SEC63: variants seen among roughly 807,000 people sequenced by gnomAD.
The protein encoded by SEC63 is translocation protein SEC63 homolog.
Under a neutral mutation model 116.2 loss-of-function variants are expected in SEC63, and 56 were observed. The ratio of observed to expected loss-of-function variants is 0.48; its 90% CI spans 0.39 to 0.60. The LOEUF (loss-of-function observed/expected upper bound fraction) is 0.60, where lower values mean the gene tolerates loss of function less well. Among genes scored for constraint, SEC63 ranks in the 20% least tolerant of loss-of-function variants. The pLI is 0.00. For missense variants in SEC63, 668 were observed against 900.0 expected (o/e 0.74, Z 3.30); for synonymous variants, 273 against 294.6 (o/e 0.93, Z 0.75).
At chr6:107,928,078 A>G (rs1787716770) in intron 2 of SEC63, among the ~76,000 whole-genome samples, 1 of 152,182 alleles carries the variant, frequency 6.6e-6, no homozygotes, top group Non-Finnish European at 1.5e-5. Flanking sequence ...ACAGTAAAGA[A>G]TAAACAGTGA....
At position 107,911,732 on chromosome 6, in the gene SEC63, C is replaced by T. The variant is rs146006718; in HGVS notation, c.574-336G>A. ...CCTTTTAATTTTTTATTTACTGACA[C>T]AATACAGATTAACACCAGCAAAACA... is the stretch of plus-strand genomic sequence containing the variant. On this transcript the variant is annotated intron_variant, in intron 6 of 20. Transcript: ENST00000369002. Among the ~76,000 whole-genome samples, 9 of 152,274 alleles carry T rather than the reference C, an allele frequency of 5.9e-5. 1 individual carries two copies. Among genetic ancestry groups the T allele is most frequent in the Admixed American group, 3.3e-4 (5 of 15,308 alleles).
chr6:107,909,147 T>G (rs1207596493), intron 7 of SEC63, 112 bp from the exon 8 acceptor site: 1 of 704,470 alleles, frequency 1.4e-6, no homozygotes, highest in East Asian at 2.9e-5. Context: ...GTGAGAGGAC[T>G]GCTTGAGCCC....
intron 3 of SEC63, 62 bp from the exon 4 acceptor site, chr6:107,921,971 A>C (rs1787568791): frequency 2.1e-6 from 2 of 953,612 alleles, no homozygotes; most frequent in South Asian, 2.7e-5. Flanking sequence ...CAATTCTGTA[A>C]AGAAATAATC....
chr6:107,944,244 GATTA>G (rs1352257150), intron 1 of SEC63, among the ~76,000 whole-genome samples: 10 of 152,170 alleles, frequency 6.6e-5, no homozygotes, highest in African/African-American at 1.9e-4. Context: ...AGACAGTTGT[GATTA>G]ATTGAGATAA....
intron 1 of SEC63, among the ~76,000 whole-genome samples, chr6:107,949,432 G>C (rs1770537738): frequency 6.6e-6 from 1 of 152,022 alleles, no homozygotes; most frequent in African/African-American, 2.4e-5. Context: ...GGGCCCAGGA[G>C]TTTGAGACAA....
At chr6:107,884,981 G>A (rs1241720767) in intron 16 of SEC63, among the ~76,000 whole-genome samples, 1 of 150,378 alleles carries the variant, frequency 6.6e-6, no homozygotes, top group African/African-American at 2.4e-5. Context: ...GATAAAAATT[G>A]TCAGCAAACT....
chr6:107,903,144 AGAG>A, intron 11 of SEC63, 146 bp from the exon 12 acceptor site: 1 of 792,234 alleles, frequency 1.3e-6, no homozygotes, highest in South Asian at 1.5e-5. Context: ...AAAAGTTACC[AGAG>A]AAGACACTAA....
rs1325850896 is a variant in SEC63, at chr6:107,879,826, G to A, written c.1935+1323C>T. On this transcript the variant is annotated intron_variant, in intron 18 of 20. Transcript: ENST00000369002. ...TGCAGCCTCAATCTCCTGGGCTCAAGTGATCCTCCAACCTCAGCTTCCCAA... is the reference window on the plus strand; with the variant it reads ...TGCAGCCTCAATCTCCTGGGCTCAAATGATCCTCCAACCTCAGCTTCCCAA... 2.0e-5 allele frequency among the ~76,000 whole-genome samples: 3 copies of A among 150,866 alleles called. No individual in the cohort carries two copies. The Admixed American group carries it at 2.0e-4, about 10-fold the overall frequency.
In SEC63 at chr6:107,893,483, T is replaced by C. The variant is rs1437530016; in HGVS notation, c.1673A>G (p.Asn558Ser). 4.3e-6 allele frequency: 7 copies of C among 1,612,142 alleles called. No individual in the cohort carries two copies. The highest frequency in any genetic ancestry group is 5.1e-6 in the Non-Finnish European group (6 of 1,179,274). Reference protein sequence around the residue: ...KQKQANGVVGNEAAVKEDEEE... With the variant: ...KQKQANGVVGSEAAVKEDEEE... ...TAATAACGATAATAATAAACTTACA[T>C]TCCCAACGACTCCATTTGCCTGCTT... Residue 558 changes from asparagine (N) to serine (S), a missense_variant and splice_region_variant, in exon 16 of 21, where the codon AAT becomes AGT. Around this residue, in one of 5 missense-constraint regions of SEC63, gnomAD observed 430 missense variants for 557.5 expected, o/e 0.77. Transcript: ENST00000369002.
At chr6:107,947,261 C>A (rs1367180262) in intron 1 of SEC63, among the ~76,000 whole-genome samples, 1 of 152,100 alleles carries the variant, frequency 6.6e-6, no homozygotes, top group Non-Finnish European at 1.5e-5. Flanking sequence ...TGTGCTACTG[C>A]ACTCCAGCCT....
chr6:107,939,756 A>C (rs1466692063), intron 1 of SEC63, among the ~76,000 whole-genome samples: 1 of 152,166 alleles, frequency 6.6e-6, no homozygotes, highest in Non-Finnish European at 1.5e-5. Flanking sequence ...ATAGTTAAAA[A>C]TAAAAATAAT....
chr6:107,890,623 C>G (rs965872045), intron 16 of SEC63, among the ~76,000 whole-genome samples: 1 of 152,008 alleles, frequency 6.6e-6, no homozygotes, highest in African/African-American at 2.4e-5. Flanking sequence ...GATGCTATCT[C>G]GTTATTCTGC....
chr6:107,934,659 A>G (rs1364752059), intron 1 of SEC63, among the ~76,000 whole-genome samples: 7 of 110,394 alleles, frequency 6.3e-5, no homozygotes, highest in South Asian at 3.8e-4. Context: ...CACCCCGTCC[A>G]GGAGGGAGGT....
chr6:107,919,598 G>GT (rs1562329149), intron 4 of SEC63, among the ~76,000 whole-genome samples: 1 of 152,078 alleles, frequency 6.6e-6, no homozygotes, highest in East Asian at 1.9e-4. Context: ...CAAGGCAGGC[G>GT]TATCACAAGG....
intron 1 of SEC63, among the ~76,000 whole-genome samples, chr6:107,933,499 T>A (rs2114493902): frequency 6.6e-6 from 1 of 152,312 alleles, no homozygotes; most frequent in South Asian, 2.1e-4. Context: ...GAATCAGTTT[T>A]GTGAAATTCC....
rs55814816 is a variant in SEC63, at chr6:107,893,107, TACACACACACACACACACACACAC to T, written c.1674+351_1674+374del. On this transcript the variant is annotated intron_variant, in intron 16 of 20. Coordinates refer to ENST00000369002, the MANE Select transcript of SEC63 (RefSeq NM_007214.5). ...GGTATATTCATACAATGAAATACTA[TACACACACACACACACACACACAC>T]ACACACACACACACACACACACACA... 1.5e-3 allele frequency among the ~76,000 whole-genome samples: 213 copies of T among 145,920 alleles called. 2 individuals are homozygous for T. The highest frequency in any genetic ancestry group is 0.012 in the South Asian group (54 of 4,424).
chr6:107,909,714 A>C (rs1218585260), intron 7 of SEC63, among the ~76,000 whole-genome samples: 3 of 152,202 alleles, frequency 2.0e-5, no homozygotes, highest in Non-Finnish European at 4.4e-5. Flanking sequence ...CTTGATAAAC[A>C]AATGTAGGCA....
intron 1 of SEC63, among the ~76,000 whole-genome samples, chr6:107,944,429 G>A (rs1026366607): frequency 6.6e-6 from 1 of 152,156 alleles, no homozygotes; most frequent in African/African-American, 2.4e-5. Flanking sequence ...TAGGTGCAGC[G>A]GCTCATGCCT....
rs1787038982 is a variant in SEC63 at position 107,902,861 on chromosome 6, CCCG to C, written c.1189_1191del (p.Arg397del). On this transcript the variant is annotated inframe_deletion, in exon 12 of 21. Coordinates refer to ENST00000369002, the MANE Select transcript of SEC63 (RefSeq NM_007214.5). ...AGAATTACCTTCTTATGATTAGAAA[CCCG>C]TCTAAGATTGTCCTCTTCAATATGA... The C allele has an allele frequency of 6.2e-7, 1 of 1,613,800 alleles. No individual in the cohort carries two copies. Among genetic ancestry groups the C allele is most frequent in the African/African-American group, 1.3e-5 (1 of 74,884 alleles).
Sources: gnomAD v4.1 joint callset for allele counts (sites outside exome capture counted in the v4.1 genomes callset) on GRCh38, gnomAD v4.1.1 for gene constraint, gnomAD v4.1.1 regional missense constraint, MANE v1.5 for transcripts, NCBI Gene and HGNC (gene_info 2026-07-23, HGNC 2026-07-21) for gene names.